Variants in UBE3D observed in about 807,000 individuals in gnomAD.
UBE3D encodes ubiquitin protein ligase E3D, also known as E3 ubiquitin-protein ligase E3D.
In UBE3D, 48 loss-of-function variants were observed where a neutral mutation model predicts 49.6. The observed-to-expected ratio is 0.97, with a 90% CI of 0.77 to 1.23. The LOEUF (loss-of-function observed/expected upper bound fraction) is 1.23, where lower values mean the gene tolerates loss of function less well. Ranked by LOEUF, UBE3D falls within the 50% of genes most tolerant of loss-of-function variation. The pLI is 0.00. For missense variants in UBE3D, 452 were observed against 468.4 expected, an observed-to-expected ratio of 0.96 and a Z score of 0.32; for synonymous variants, 189 against 174.2, an observed-to-expected ratio of 1.08 and a Z score of -0.67.
At chr6:82,951,231 CTACT>C (rs1342773102) in intron 9 of UBE3D, among the ~76,000 whole-genome samples, 1 of 152,018 alleles carries the variant, frequency 6.6e-6, no homozygotes, top group East Asian at 1.9e-4. Context: ...ATATATATAC[CTACT>C]ATGTACCCAT....
chr6:82,951,094 TAA>T (rs1343156516), intron 9 of UBE3D, among the ~76,000 whole-genome samples: 12 of 152,238 alleles, frequency 7.9e-5, no homozygotes, highest in Middle Eastern at 6.8e-3. Context: ...TAAAAATAAC[TAA>T]AAGAGTATAA....
intron 8 of UBE3D, among the ~76,000 whole-genome samples, chr6:82,986,093 T>C (rs2127725277): frequency 6.6e-6 from 1 of 152,324 alleles, no homozygotes; most frequent in East Asian, 1.9e-4. Context: ...TTATTGAGTT[T>C]GTGTATTAAC....
chr6:83,018,756 CAAT>C, intron 8 of UBE3D: 1 of 534,394 alleles, frequency 1.9e-6, no homozygotes, highest in East Asian at 3.6e-5. Context: ...AAGAAAAAAA[CAAT>C]AATTTTTGGT....
Position 82,948,450 on chromosome 6 carries a change from T to C in UBE3D, c.1149+8862A>G, listed in dbSNP as rs1775557069. ...TACCAAACATTTAAAGAAGAACTAA[T>C]ACCACTTCTACTCAAACTATTCTGG... is the stretch of plus-strand genomic sequence containing the variant. On this transcript the variant is annotated intron_variant, in intron 9 of 9. Coordinates refer to ENST00000369747, the MANE Select transcript of UBE3D (RefSeq NM_198920.3). Among the ~76,000 whole-genome samples the C allele has an allele frequency of 2.0e-5, 3 of 151,888 alleles. No individual in the cohort carries two copies. In the South Asian group the frequency reaches 6.2e-4, roughly 31 times the overall value.
At chr6:82,919,398 T>C (rs1773157808) in intron 9 of UBE3D, among the ~76,000 whole-genome samples, 1 of 151,348 alleles carries the variant, frequency 6.6e-6, no homozygotes, top group Non-Finnish European at 1.5e-5. Flanking sequence ...GGTCAGGAGA[T>C]CGAGACCATC....
At chr6:83,054,600 T>C (rs1343149968) in intron 2 of UBE3D, among the ~76,000 whole-genome samples, 1 of 152,212 alleles carries the variant, frequency 6.6e-6, no homozygotes, top group African/African-American at 2.4e-5. Flanking sequence ...CTCTGCTGTG[T>C]CTCACAATAG....
At chr6:83,053,275 T>C (rs1783590684) in intron 3 of UBE3D, among the ~76,000 whole-genome samples, 1 of 152,074 alleles carries the variant, frequency 6.6e-6, no homozygotes, top group African/African-American at 2.4e-5. Flanking sequence ...CAGGTAGAAG[T>C]ACAGCATTAC....
At chr6:83,038,286 C>G (rs370805967) in intron 5 of UBE3D, 130 bp downstream of exon 5, 6 of 703,906 alleles carry the variant, frequency 8.5e-6, no homozygotes, top group East Asian at 2.9e-5. Flanking sequence ...TACTTGGGGT[C>G]TATTTTGAAA....
intron 8 of UBE3D, 103 bp from the exon 9 acceptor site, chr6:82,957,553 G>A (rs1308224405): frequency 3.6e-5 from 46 of 1,290,188 alleles, no homozygotes; most frequent in Non-Finnish European, 9.5e-6. Flanking sequence ...AAAAGGCAAA[G>A]TACAAAAACT....
intron 1 of UBE3D, among the ~76,000 whole-genome samples, chr6:83,059,106 T>C (rs1784000226): frequency 6.6e-6 from 1 of 152,062 alleles, no homozygotes; most frequent in African/African-American, 2.4e-5. Flanking sequence ...AATCAGCAGG[T>C]CGAGGTAGCT....
chr6:82,892,274 T>G (rs901211708), downstream of UBE3D: 2 of 152,258 alleles, frequency 1.3e-5, no homozygotes, highest in African/African-American at 4.8e-5. Context: ...GTCTCAAACG[T>G]TCCTTGTGAA....
chr6:82,907,712 C>T (rs538069354), intron 9 of UBE3D, among the ~76,000 whole-genome samples: 1 of 152,328 alleles, frequency 6.6e-6, no homozygotes, highest in East Asian at 1.9e-4. Flanking sequence ...AGACACGGAA[C>T]AGCCGGAGCT....
the UBE3D span, among the ~76,000 whole-genome samples, chr6:82,884,922 C>G: frequency 6.6e-6 from 1 of 152,152 alleles, no homozygotes; most frequent in Non-Finnish European, 1.5e-5. Flanking sequence ...GAGGGCATCC[C>G]TGTCAGATGC....
intron 8 of UBE3D, among the ~76,000 whole-genome samples, chr6:83,000,122 GCT>G (rs1779520076): frequency 6.6e-6 from 1 of 152,060 alleles, no homozygotes; most frequent in African/African-American, 2.4e-5. Context: ...GTTCTTCACT[GCT>G]CTGTCTTCCA....
intron 9 of UBE3D, among the ~76,000 whole-genome samples, chr6:82,923,023 T>C (rs567757878): frequency 6.6e-6 from 1 of 152,316 alleles, no homozygotes; most frequent in Admixed American, 6.5e-5. Flanking sequence ...CATCTCAAGC[T>C]AGTTAGAATG....
chr6:83,048,186 A>G (rs184984900), intron 3 of UBE3D, among the ~76,000 whole-genome samples: 1 of 151,976 alleles, frequency 6.6e-6, no homozygotes. Flanking sequence ...AATGCAGAAC[A>G]GCCATAGAGG....
intron 9 of UBE3D, among the ~76,000 whole-genome samples, chr6:82,923,311 A>G (rs950929873): frequency 6.6e-6 from 1 of 152,222 alleles, no homozygotes; most frequent in African/African-American, 2.4e-5. Flanking sequence ...AACCAACCCA[A>G]CTGTCCATCA....
chr6:82,990,019 C>T (rs1042560648), intron 8 of UBE3D, among the ~76,000 whole-genome samples: 1 of 152,082 alleles, frequency 6.6e-6, no homozygotes, highest in South Asian at 2.1e-4. Context: ...TCACTGATAC[C>T]CTGGAATTTG....
intron 9 of UBE3D, among the ~76,000 whole-genome samples, chr6:82,946,333 G>A (rs1775397842): frequency 1.3e-5 from 2 of 151,984 alleles, no homozygotes. Context: ...AAACCTTACA[G>A]GCCAGGAGAG....
Sources: gnomAD v4.1 joint callset for allele counts (sites outside exome capture counted in the v4.1 genomes callset) on GRCh38, gnomAD v4.1.1 for gene constraint, MANE v1.5 for transcripts, NCBI Gene and HGNC (gene_info 2026-07-23, HGNC 2026-07-21) for gene names.